Variants in STON2 observed in about 807,000 individuals in gnomAD.
STON2 encodes the protein stonin 2, also known as stonin-2.
STON2 carries 29 observed loss-of-function variants against 65.7 expected under a neutral mutation model. The ratio of observed to expected loss-of-function variants is 0.44; its 90% confidence interval spans 0.33 to 0.60. The LOEUF is 0.60. Ranked by LOEUF, STON2 falls within the 20% of genes least tolerant of loss-of-function variation. The pLI, the probability that STON2 is intolerant of heterozygous loss-of-function variation, is 0.03. For synonymous variants in STON2, 404 were observed against 414.2 expected (o/e 0.98, Z 0.30); for missense variants, 1,054 against 1,118.1 (o/e 0.94, Z 0.82).
chr14:81,295,507 A>G (rs927055905), intron 5 of STON2, among the ~76,000 whole-genome samples: 5 of 152,228 alleles, frequency 3.3e-5, no homozygotes, highest in Admixed American at 2.0e-4. Context: ...CCTAAATACC[A>G]AAAGAACTTC....
intron 1 of STON2, among the ~76,000 whole-genome samples, chr14:81,428,551 C>T (rs978653652): frequency 9.9e-5 from 15 of 152,056 alleles, no homozygotes; most frequent in Admixed American, 4.6e-4. Flanking sequence ...GGCGAAACCC[C>T]GTCTCTACTG....
At chr14:81,306,530 G>A (rs896169207) in intron 5 of STON2, 13 of 152,140 alleles carry the variant, frequency 8.5e-5, no homozygotes, top group Non-Finnish European at 4.4e-5. Context: ...GGGACTATAG[G>A]TCTATGCCAC....
At chr14:81,388,436 G>C (rs1193695442) in intron 3 of STON2, among the ~76,000 whole-genome samples, 3 of 152,088 alleles carry the variant, frequency 2.0e-5, no homozygotes, top group African/African-American at 7.2e-5. Flanking sequence ...AATCAACCTT[G>C]GTATGCTTCA....
intron 6 of STON2, 45 bp downstream of exon 6, chr14:81,276,856 T>C (rs767107085): frequency 6.4e-7 from 1 of 1,564,918 alleles, no homozygotes; most frequent in Non-Finnish European, 8.7e-7. Flanking sequence ...CTCAGCTTTT[T>C]CACAACTGTA....
intron 5 of STON2, among the ~76,000 whole-genome samples, chr14:81,280,485 ACT>A (rs1335797630): frequency 6.6e-6 from 1 of 152,146 alleles, no homozygotes; most frequent in African/African-American, 2.4e-5. Flanking sequence ...CATCCTACCC[ACT>A]GTTTCTATGG....
intron 1 of STON2, among the ~76,000 whole-genome samples, chr14:81,432,226 C>G (rs1902253779): frequency 6.6e-6 from 1 of 152,316 alleles, no homozygotes; most frequent in South Asian, 2.1e-4. Flanking sequence ...TTTCCCGTGT[C>G]ACATTAGACA....
intron 2 of STON2, among the ~76,000 whole-genome samples, chr14:81,408,175 A>G (rs998770590): frequency 1.3e-5 from 2 of 150,422 alleles, no homozygotes; most frequent in Non-Finnish European, 2.9e-5. Context: ...ACACACACAC[A>G]TTAATTAATA....
intron 2 of STON2, among the ~76,000 whole-genome samples, chr14:81,423,335 C>T (rs1901806507): frequency 6.6e-6 from 1 of 152,146 alleles, no homozygotes; most frequent in South Asian, 2.1e-4. Context: ...ACTCTCATCT[C>T]TGGAAAAATA....
At chr14:81,309,019 C>T (rs1430404747) in intron 5 of STON2, among the ~76,000 whole-genome samples, 1 of 150,178 alleles carries the variant, frequency 6.7e-6, no homozygotes, top group Non-Finnish European at 1.5e-5. Context: ...TAACCTTTCC[C>T]TGGTGTTTGC....
chr14:81,334,733 G>A (rs867481957), intron 4 of STON2, among the ~76,000 whole-genome samples: 2 of 152,212 alleles, frequency 1.3e-5, no homozygotes, highest in Non-Finnish European at 2.9e-5. Context: ...GGGCAGAAGG[G>A]TGACTGGGAA....
chr14:81,297,476 C>T lies in STON2; in HGVS notation c.743-18737G>A, dbSNP rs372820323. ...CTCTACATTGTTAGAACTGTCCAAT[C>T]TTGAGCAAATTTCTCAATTTCTGAG... On this transcript the variant is annotated intron_variant, in intron 5 of 7. Coordinates refer to ENST00000614646, the MANE Select transcript of STON2 (RefSeq NM_001394390.1). Among the ~76,000 whole-genome samples the T allele has an allele frequency of 7.2e-5, 11 of 152,296 alleles. No individual in the cohort carries two copies. In the South Asian group the frequency reaches 2.3e-3, roughly 32 times the overall value.
intron 5 of STON2, among the ~76,000 whole-genome samples, chr14:81,281,258 A>G (rs1052550568): frequency 2.6e-5 from 4 of 152,232 alleles, no homozygotes; most frequent in African/African-American, 7.2e-5. Context: ...GAAAACGGTC[A>G]GGAAACAACC....
At chr14:81,311,437 A>G (rs1435612146) in intron 5 of STON2, among the ~76,000 whole-genome samples, 1 of 152,212 alleles carries the variant, frequency 6.6e-6, no homozygotes, top group Admixed American at 6.5e-5. Context: ...AAAAGGCTGA[A>G]TATCTCTTCA....
chr14:81,367,049 C>T (rs893018635), intron 4 of STON2, among the ~76,000 whole-genome samples: 9 of 152,218 alleles, frequency 5.9e-5, no homozygotes, highest in Admixed American at 2.6e-4. Context: ...CAAAGCAGGG[C>T]TCTCCCAGAG....
At chr14:81,356,815 T>C (rs1898256153) in intron 4 of STON2, among the ~76,000 whole-genome samples, 1 of 152,086 alleles carries the variant, frequency 6.6e-6, no homozygotes, top group Non-Finnish European at 1.5e-5. Context: ...TGTAGTATTC[T>C]CTGATGGTAG....
chr14:81,283,529 C>CTTT (rs1895208907), intron 5 of STON2, among the ~76,000 whole-genome samples: 2 of 95,412 alleles, frequency 2.1e-5, no homozygotes, highest in African/African-American at 3.6e-5. Flanking sequence ...ACAGATACTG[C>CTTT]ATTTTTTTTT....
At chr14:81,297,525 G>T (rs1895807863) in intron 5 of STON2, among the ~76,000 whole-genome samples, 2 of 152,150 alleles carry the variant, frequency 1.3e-5, no homozygotes, top group African/African-American at 2.4e-5. Context: ...TTTTAAGGAG[G>T]ATAATGATAT....
intron 3 of STON2, among the ~76,000 whole-genome samples, chr14:81,382,915 T>C (rs918728266): frequency 6.6e-6 from 1 of 152,220 alleles, no homozygotes; most frequent in Non-Finnish European, 1.5e-5. Flanking sequence ...TTCGCTCTAA[T>C]ACACTTTGTT....
rs555865349 is a variant in STON2 at position 81,262,915 on chromosome 14, C to A, written c.*5499G>T. On this transcript the variant is annotated 3_prime_UTR_variant, in exon 8 of 8. Transcript: ENST00000614646. ...TAAATATGAGTCATGATATCTAAAG[C>A]CAGTCTCATTTAAACAAGATAAGAA... is the stretch of plus-strand genomic sequence containing the variant. 1 of 985,256 alleles carries A rather than the reference C, an allele frequency of 1.0e-6. No individual in the cohort carries two copies. Among genetic ancestry groups the A allele is most frequent in the Non-Finnish European group, 1.2e-6 (1 of 829,924 alleles). 61.0% of individuals were successfully genotyped at this position (985,256 alleles called of 1,614,324 possible).
Sources: allele counts gnomAD v4.1 joint callset (sites outside exome capture counted in the v4.1 genomes callset), GRCh38; gene constraint gnomAD v4.1.1; transcripts MANE v1.5; gene names NCBI Gene and HGNC (gene_info 2026-07-23, HGNC 2026-07-21).